TAGLN2: variants seen among roughly 807,000 people sequenced by gnomAD.
TAGLN2 encodes the protein transgelin 2.
TAGLN2 carries 14 observed loss-of-function variants against 24.9 expected under a neutral mutation model. The ratio of observed to expected loss-of-function variants is 0.56; its 90% CI spans 0.37 to 0.88. The LOEUF is 0.88. Among genes scored for constraint, TAGLN2 ranks in the 40% least tolerant of loss-of-function variants. The pLI, the probability that TAGLN2 is intolerant of heterozygous loss-of-function variation, is 0.00. For missense variants in TAGLN2, 208 were observed against 258.9 expected (o/e 0.80, Z 1.35); for synonymous variants, 77 against 98.2 (o/e 0.78, Z 1.28).
intron 1 of TAGLN2, among the ~76,000 whole-genome samples, chr1:159,924,821 A>G (rs1299840961): frequency 6.6e-6 from 1 of 152,162 alleles, no homozygotes; most frequent in Non-Finnish European, 1.5e-5. Context: ...CCCGGGGCGC[A>G]GTCAGGGCTG....
chr1:159,919,012 C>A (rs1650435390), intron 4 of TAGLN2, 71 bp from the exon 5 acceptor site: 1 of 1,590,752 alleles, frequency 6.3e-7, no homozygotes, highest in African/African-American at 1.3e-5. Flanking sequence ...TTGGACAGAG[C>A]ACAGGCTTTG....
intron 1 of TAGLN2, among the ~76,000 whole-genome samples, chr1:159,922,675 C>G (rs1650571145): frequency 6.6e-6 from 1 of 152,180 alleles, no homozygotes; most frequent in Admixed American, 6.5e-5. Flanking sequence ...AGGGCTGTTT[C>G]CAGGGACCAA....
chr1:159,919,352 C>A lies in TAGLN2; in HGVS notation c.380G>T (p.Arg127Leu). The A allele has an allele frequency of 6.2e-7, 1 of 1,614,214 alleles. No homozygotes were observed. The highest frequency in any genetic ancestry group is 8.5e-7 in the Non-Finnish European group (1 of 1,180,032). ...CAGCCCACCCAGATTCATCAGCGTC[C>A]GCTGCACACAGGCCATGTTCTTTCC... ...WEGKNMACVQ[R>L]TLMNLGGLAV... Residue 127 changes from arginine (R) to leucine (L), a missense_variant, in exon 4 of 5, where the codon CGG becomes CTG. Transcript: ENST00000368097.
chr1:159,919,369 G>A lies in TAGLN2; in HGVS notation c.363C>T (p.Asn121=), dbSNP rs1336232371. Residue 121 remains asparagine, a synonymous_variant, in exon 4 of 5, where the codon AAC becomes AAT. Transcript: ENST00000368097. Reference sequence around the variant, plus strand: ...TCAGCGTCCGCTGCACACAGGCCATGTTCTTTCCTGGGAAGGAGAATGGGA... The same window carrying A: ...TCAGCGTCCGCTGCACACAGGCCATATTCTTTCCTGGGAAGGAGAATGGGA... ...FQTVDLWEGK[N]MACVQRTLMN... 6.2e-7 allele frequency: 1 copy of A among 1,614,184 alleles called. No homozygotes were observed.
At position 159,918,961 on chromosome 1, in the gene TAGLN2, T is replaced by C. The variant is rs370073060; in HGVS notation, c.459-20A>G. 8 of 1,613,398 alleles carry C rather than the reference T, an allele frequency of 5.0e-6. No homozygotes were observed. The highest frequency in any genetic ancestry group is 6.8e-6 in the Non-Finnish European group (8 of 1,179,628). ...GATTTCCTGGGTGACAAGGGAGTGG[T>C]GGTTAGAGGAGATCACAGGCTGCCC... On this transcript the variant is annotated intron_variant, in intron 4 of 4. Coordinates refer to ENST00000368097, the MANE Select transcript of TAGLN2 (RefSeq NM_003564.3).
At chr1:159,923,117 C>G (rs1409295221) in intron 1 of TAGLN2, among the ~76,000 whole-genome samples, 1 of 152,212 alleles carries the variant, frequency 6.6e-6, no homozygotes, top group African/African-American at 2.4e-5. Context: ...CTGGGAAGGC[C>G]CACCCTAGGG....
chr1:159,918,689 CAGAA>C lies in TAGLN2; in HGVS notation c.*107_*110del. 1.4e-6 allele frequency: 2 copies of C among 1,475,482 alleles called. No homozygotes were observed. The highest frequency in any genetic ancestry group is 1.8e-6 in the Non-Finnish European group (2 of 1,095,528). The allele number at this position is 1,475,482 out of a possible 1,614,324, so 91.4% of individuals were successfully genotyped here. On this transcript the variant is annotated 3_prime_UTR_variant, in exon 5 of 5. Transcript: ENST00000368097. ...GGACAGGCTGAACCCCCCACCCTGA[CAGAA>C]AGGAGCTTGAGAGCTCTGGGGCTCT...
intron 1 of TAGLN2, among the ~76,000 whole-genome samples, chr1:159,922,684 A>C (rs1650571433): frequency 6.6e-6 from 1 of 152,184 alleles, no homozygotes; most frequent in African/African-American, 2.4e-5. Flanking sequence ...TCCAGGGACC[A>C]AGTGGCCTGA....
rs1201477815 is a variant in TAGLN2 at position 159,920,514 on chromosome 1, A to G, written c.-5T>C. 2 of 1,613,882 alleles carry G rather than the reference A, an allele frequency of 1.2e-6. No individual in the cohort carries two copies. On this transcript the variant is annotated 5_prime_UTR_variant, in exon 2 of 5. Transcript: ENST00000368097. ...TGCAGGTCCCCTGTTGGCCATTCCA[A>G]TGGGTGGCGGTGGCTGCGGGGAGCT...
At chr1:159,923,287 G>A in intron 1 of TAGLN2, 1 of 834,874 alleles carries the variant, frequency 1.2e-6, no homozygotes, top group Non-Finnish European at 1.8e-6. Flanking sequence ...CAACCTGGGG[G>A]ATGGACTGGC....
intron 1 of TAGLN2, chr1:159,923,795 T>TG (rs1650613680): frequency 3.3e-6 from 1 of 307,604 alleles, no homozygotes; most frequent in Non-Finnish European, 6.0e-6. Context: ...GGGGATGAGG[T>TG]GGGGGCCGTT....
At chr1:159,919,442 C>T (rs571004306) in intron 3 of TAGLN2, 66 bp from the exon 4 acceptor site, 411 of 1,535,596 alleles carry the variant, frequency 2.7e-4, no homozygotes, top group Non-Finnish European at 3.4e-4. Flanking sequence ...CCGCCTCTAT[C>T]GCTAAGTCAG....
chr1:159,924,850 G>A (rs558920714), intron 1 of TAGLN2, among the ~76,000 whole-genome samples: 89 of 152,302 alleles, frequency 5.8e-4, no homozygotes, highest in Non-Finnish European at 1.0e-4. Context: ...AGACCCCCGA[G>A]GTCAGGGGAC....
chr1:159,923,581 G>T, intron 1 of TAGLN2: 2 of 1,189,740 alleles, frequency 1.7e-6, no homozygotes, highest in South Asian at 1.5e-5. Context: ...TCCCAACTCA[G>T]ATTTGGGACA....
At chr1:159,923,692 C>CTTTTTTAAGG in intron 1 of TAGLN2, 1 of 463,122 alleles carries the variant, frequency 2.2e-6, no homozygotes, top group Non-Finnish European at 3.8e-6. Flanking sequence ...TTAAGGGAAC[C>CTTTTTTAAGG]ACCGTAGGGC....
intron 4 of TAGLN2, 85 bp downstream of exon 4, chr1:159,919,189 T>C: frequency 7.2e-7 from 1 of 1,395,478 alleles, no homozygotes; most frequent in Non-Finnish European, 1.0e-6. Context: ...GGCCAGCTGC[T>C]ACTGAGATAA....
At chr1:159,921,980 A>G (rs1304951293) in intron 1 of TAGLN2, among the ~76,000 whole-genome samples, 3 of 152,366 alleles carry the variant, frequency 2.0e-5, no homozygotes, top group Middle Eastern at 3.4e-3. Context: ...GCTGCTCACG[A>G]AAGGGGACCC....
At chr1:159,919,112 T>C (rs1650437511) in intron 4 of TAGLN2, 162 bp downstream of exon 4, 1 of 1,271,016 alleles carries the variant, frequency 7.9e-7, no homozygotes, top group South Asian at 1.4e-5. Context: ...GGACAGTCAT[T>C]TGCCATCCCA....
At chr1:159,925,188 G>A (rs1650664421) in intron 1 of TAGLN2, 1 of 152,232 alleles carries the variant, frequency 6.6e-6, no homozygotes, top group African/African-American at 2.4e-5. Context: ...CCGCGGGTGG[G>A]GCTCAGTCCC....
Sources: allele counts gnomAD v4.1 joint callset (sites outside exome capture counted in the v4.1 genomes callset), GRCh38; gene constraint gnomAD v4.1.1; transcripts MANE v1.5; gene names NCBI Gene and HGNC (gene_info 2026-07-23, HGNC 2026-07-21).